Variants in SYNPO2 observed in about 807,000 individuals in gnomAD.
SYNPO2 encodes the protein synaptopodin 2.
Under a neutral mutation model 85.0 loss-of-function variants are expected in SYNPO2, and 56 were observed. The ratio of observed to expected loss-of-function variants is 0.66; its 90% confidence interval spans 0.53 to 0.82. The LOEUF (loss-of-function observed/expected upper bound fraction) is 0.82, where lower values mean the gene tolerates loss of function less well. Ranked by LOEUF, SYNPO2 falls within the 40% of genes least tolerant of loss-of-function variation. The pLI, the probability that SYNPO2 is intolerant of heterozygous loss-of-function variation, is 0.00. For missense variants in SYNPO2, 1,575 were observed against 1,534.2 expected (o/e 1.03, Z -0.44); for synonymous variants, 602 against 591.1 (o/e 1.02, Z -0.27).
At chr4:118,880,669 C>T (rs569892373) in intron 1 of SYNPO2, among the ~76,000 whole-genome samples, 1 of 151,366 alleles carries the variant, frequency 6.6e-6, no homozygotes, top group South Asian at 2.1e-4. Flanking sequence ...ATTGCTTGAA[C>T]CCCGGAGGTG....
At chr4:118,974,185 A>G (rs1735641873) in intron 1 of SYNPO2, among the ~76,000 whole-genome samples, 1 of 152,260 alleles carries the variant, frequency 6.6e-6, no homozygotes, top group Non-Finnish European at 1.5e-5. Context: ...TAGTGCTCAA[A>G]GGGAATCAGC....
At chr4:119,055,774 A>G (rs1430556304) in intron 4 of SYNPO2, among the ~76,000 whole-genome samples, 1 of 152,212 alleles carries the variant, frequency 6.6e-6, no homozygotes, top group African/African-American at 2.4e-5. Flanking sequence ...AGTTTTTGCT[A>G]AGATTCAACC....
intron 2 of SYNPO2, among the ~76,000 whole-genome samples, chr4:119,024,561 T>C (rs1170425125): frequency 6.6e-6 from 1 of 152,226 alleles, no homozygotes; most frequent in African/African-American, 2.4e-5. Context: ...AGCATTATTC[T>C]TATAATCTAA....
chr4:118,948,795 C>T (rs4299565), intron 1 of SYNPO2, among the ~76,000 whole-genome samples: 30,813 of 152,080 alleles, frequency 0.2, 3,193 homozygotes, highest in Middle Eastern at 0.25. Flanking sequence ...ATCCAGACAC[C>T]TCCCACTAGG....
intron 1 of SYNPO2, among the ~76,000 whole-genome samples, chr4:118,900,699 CTCTCTATATATA>C (rs1322464276): frequency 9.2e-3 from 267 of 28,964 alleles, no homozygotes; most frequent in Non-Finnish European, 0.014. Flanking sequence ...CTCTCTCTCT[CTCTCTATATATA>C]TATATATATA....
intron 1 of SYNPO2, among the ~76,000 whole-genome samples, chr4:118,867,989 A>C (rs544271571): frequency 6.6e-6 from 1 of 151,568 alleles, no homozygotes; most frequent in Non-Finnish European, 1.5e-5. Context: ...GAATAAAAAC[A>C]TGTACTTCAT....
intron 1 of SYNPO2, among the ~76,000 whole-genome samples, chr4:118,909,383 T>C (rs1372591571): frequency 6.6e-6 from 1 of 152,004 alleles, no homozygotes; most frequent in Non-Finnish European, 1.5e-5. Flanking sequence ...GGAGTTGATA[T>C]GTTTGGGGGT....
At chr4:118,943,540 A>T (rs750852521) in intron 1 of SYNPO2, among the ~76,000 whole-genome samples, 1 of 152,246 alleles carries the variant, frequency 6.6e-6, no homozygotes, top group Non-Finnish European at 1.5e-5. Flanking sequence ...TTGTTTTTTC[A>T]TGCTAACATG....
intron 1 of SYNPO2, among the ~76,000 whole-genome samples, chr4:118,993,294 A>G (rs1048923057): frequency 2.0e-5 from 3 of 152,190 alleles, no homozygotes; most frequent in African/African-American, 7.2e-5. Flanking sequence ...CAAAGTGGAA[A>G]TGAAATAGTA....
At chr4:119,038,317 G>T (rs553959762) in intron 4 of SYNPO2, 1 of 984,948 alleles carries the variant, frequency 1.0e-6, no homozygotes, top group Non-Finnish European at 1.2e-6. Context: ...ATGCTATGAC[G>T]CATGTTGAAA....
intron 1 of SYNPO2, among the ~76,000 whole-genome samples, chr4:118,909,032 C>T (rs1411340305): frequency 6.6e-6 from 1 of 152,116 alleles, no homozygotes; most frequent in Non-Finnish European, 1.5e-5. Context: ...AATTATCTGG[C>T]ACTGCAGATG....
intron 3 of SYNPO2, among the ~76,000 whole-genome samples, chr4:119,028,073 T>C (rs1482869705): frequency 1.3e-5 from 2 of 152,188 alleles, no homozygotes; most frequent in Admixed American, 6.5e-5. Flanking sequence ...GGCATTTAAA[T>C]GTCTCCAAAC....
intron 1 of SYNPO2, among the ~76,000 whole-genome samples, chr4:118,936,002 A>T (rs2149135241): frequency 6.6e-6 from 1 of 152,218 alleles, no homozygotes. Flanking sequence ...GAAGCAGGAG[A>T]GGCAGGCACA....
At chr4:118,959,489 G>T (rs533940494) in intron 1 of SYNPO2, among the ~76,000 whole-genome samples, 1 of 152,212 alleles carries the variant, frequency 6.6e-6, no homozygotes, top group Non-Finnish European at 1.5e-5. Context: ...GTGATTACCC[G>T]TGGGTTTTTC....
upstream of SYNPO2, among the ~76,000 whole-genome samples, chr4:118,885,315 G>T (rs570755110): frequency 4.5e-3 from 690 of 152,180 alleles, 5 homozygotes; most frequent in Non-Finnish European, 7.0e-3. Context: ...CCTGGCTTTG[G>T]AGTAAAAAAT....
At chr4:118,964,502 A>T (rs1735234313) in intron 1 of SYNPO2, among the ~76,000 whole-genome samples, 2 of 106,094 alleles carry the variant, frequency 1.9e-5, no homozygotes, top group Non-Finnish European at 4.5e-5. Flanking sequence ...AAGTAAATTA[A>T]AAAAAAAAAC....
rs1382167212 is a variant in SYNPO2, at chr4:119,058,690, G to A, written c.*756G>A. The A allele has an allele frequency of 6.6e-6, 1 of 151,820 alleles. No homozygotes were observed. The highest frequency in any genetic ancestry group is 1.9e-4 in the East Asian group (1 of 5,176). 9.4% of individuals were successfully genotyped at this position (151,820 alleles called of 1,614,324 possible). A position where few individuals can be genotyped will look rare whatever the true frequency, so the allele number is the denominator to read the frequency against. On this transcript the variant is annotated 3_prime_UTR_variant, in exon 5 of 5. Coordinates refer to ENST00000307142, the MANE Select transcript of SYNPO2 (RefSeq NM_133477.3). Reference sequence around the variant, plus strand: ...AAGTTTCACCATGTTGGTCAGACTGGTCTTGAACTCCTGACCTCGTGATCT... The same window carrying A: ...AAGTTTCACCATGTTGGTCAGACTGATCTTGAACTCCTGACCTCGTGATCT...
At chr4:118,908,960 A>T (rs950966507) in intron 1 of SYNPO2, among the ~76,000 whole-genome samples, 3 of 152,134 alleles carry the variant, frequency 2.0e-5, no homozygotes, top group Admixed American at 1.3e-4. Context: ...TGTGTTTTTT[A>T]AAAGATTGGG....
At chr4:118,936,055 C>T (rs533408446) in intron 1 of SYNPO2, among the ~76,000 whole-genome samples, 112 of 152,234 alleles carry the variant, frequency 7.4e-4, no homozygotes, top group African/African-American at 2.6e-3. Context: ...CTAAGTGAAC[C>T]CATACAGTTC....
Sources: allele counts gnomAD v4.1 joint callset (sites outside exome capture counted in the v4.1 genomes callset), GRCh38; gene constraint gnomAD v4.1.1; transcripts MANE v1.5; gene names NCBI Gene and HGNC (gene_info 2026-07-23, HGNC 2026-07-21).